Variants in PARD3 observed in about 807,000 individuals in gnomAD.
The protein encoded by PARD3 is par-3 family cell polarity regulator, also known as partitioning defective 3 homolog.
A neutral mutation model predicts 155.4 loss-of-function variants in PARD3; 75 were observed. The ratio of observed to expected loss-of-function variants is 0.48; its 90% CI spans 0.40 to 0.58. The LOEUF (loss-of-function observed/expected upper bound fraction) is 0.58, where lower values mean the gene tolerates loss of function less well. Ranked by LOEUF, PARD3 falls within the 20% of genes least tolerant of loss-of-function variation. The pLI is 0.00. For missense variants in PARD3, 1,642 were observed against 1,721.7 expected (o/e 0.95, Z 0.82); for synonymous variants, 576 against 610.5 (o/e 0.94, Z 0.83).
intron 1 of PARD3, among the ~76,000 whole-genome samples, chr10:34,807,495 T>G (rs953479961): frequency 1.3e-5 from 2 of 152,094 alleles, no homozygotes; most frequent in South Asian, 2.1e-4. Flanking sequence ...AAAGGAAACC[T>G]CATACCCATT....
intron 22 of PARD3, among the ~76,000 whole-genome samples, chr10:34,182,464 C>T (rs1295338256): frequency 6.6e-6 from 1 of 152,128 alleles, no homozygotes; most frequent in African/African-American, 2.4e-5. Context: ...ACCATTGATT[C>T]CTACCACTTA....
intron 3 of PARD3, among the ~76,000 whole-genome samples, chr10:34,506,616 C>A (rs956981885): frequency 1.3e-5 from 2 of 152,148 alleles, no homozygotes. Context: ...GTCAAGTCCA[C>A]AGATGAAATG....
intron 5 of PARD3, among the ~76,000 whole-genome samples, chr10:34,413,729 T>C (rs1200403376): frequency 1.3e-5 from 2 of 151,992 alleles, no homozygotes; most frequent in African/African-American, 4.8e-5. Context: ...ATTCTGAAAA[T>C]CACCCCTATA....
At chr10:34,506,998 C>T (rs1374977825) in intron 3 of PARD3, among the ~76,000 whole-genome samples, 2 of 152,208 alleles carry the variant, frequency 1.3e-5, no homozygotes, top group East Asian at 3.9e-4. Context: ...TTTTCACCTG[C>T]GCCTCCAGTT....
intron 22 of PARD3, among the ~76,000 whole-genome samples, chr10:34,158,972 T>C (rs1047301559): frequency 1.3e-5 from 2 of 152,202 alleles, no homozygotes; most frequent in African/African-American, 4.8e-5. Context: ...CCATCAGATA[T>C]TTCCAAGGAT....
At chr10:34,237,400 C>T (rs1330682496) in intron 22 of PARD3, among the ~76,000 whole-genome samples, 1 of 152,130 alleles carries the variant, frequency 6.6e-6, no homozygotes, top group African/African-American at 2.4e-5. Flanking sequence ...TGAATATAAA[C>T]ACAACTATTC....
chr10:34,549,966 C>T (rs1201621102), intron 2 of PARD3, among the ~76,000 whole-genome samples: 6 of 152,024 alleles, frequency 3.9e-5, no homozygotes, highest in Non-Finnish European at 8.8e-5. Context: ...ATCCAGCATA[C>T]AAATGTAAGC....
At chr10:34,210,669 C>A (rs1331088941) in intron 22 of PARD3, among the ~76,000 whole-genome samples, 1 of 152,156 alleles carries the variant, frequency 6.6e-6, no homozygotes, top group Non-Finnish European at 1.5e-5. Context: ...GTGACTCTAA[C>A]TCTGTGGTCT....
intron 23 of PARD3, among the ~76,000 whole-genome samples, chr10:34,124,628 T>C (rs1379759322): frequency 6.6e-6 from 1 of 152,206 alleles, no homozygotes; most frequent in African/African-American, 2.4e-5. Context: ...CTTGTGGGTC[T>C]TGAATGTTGA....
At chr10:34,681,490 A>G (rs972473970) in intron 2 of PARD3, among the ~76,000 whole-genome samples, 1 of 151,734 alleles carries the variant, frequency 6.6e-6, no homozygotes, top group African/African-American at 2.4e-5. Context: ...CCACCTACAT[A>G]TGGGACTTTT....
chr10:34,675,545 G>C (rs994483565), intron 2 of PARD3: 9 of 151,240 alleles, frequency 6.0e-5, no homozygotes, highest in African/African-American at 2.2e-4. Flanking sequence ...TCCCCAATAT[G>C]ATATTTCAGC....
chr10:34,573,298 G>T (rs1335920518), intron 2 of PARD3, among the ~76,000 whole-genome samples: 2 of 152,222 alleles, frequency 1.3e-5, no homozygotes, highest in Non-Finnish European at 2.9e-5. Context: ...TGAGGCTGTA[G>T]TGAACCATGA....
At chr10:34,374,835 GC>G (rs766776223) in intron 11 of PARD3, 38 bp downstream of exon 11, 1 of 1,602,252 alleles carries the variant, frequency 6.2e-7, no homozygotes, top group Admixed American at 1.7e-5. Flanking sequence ...CCTGGCTGCT[GC>G]ATATCAGAAA....
At chr10:34,678,004 C>T (rs970358856) in intron 2 of PARD3, among the ~76,000 whole-genome samples, 3 of 151,868 alleles carry the variant, frequency 2.0e-5, no homozygotes, top group Non-Finnish European at 4.4e-5. Flanking sequence ...CCTAAACTTA[C>T]AGTCATATAT....
intron 15 of PARD3, chr10:34,343,818 A>T: frequency 2.0e-6 from 2 of 976,500 alleles, no homozygotes; most frequent in Non-Finnish European, 2.4e-6. Context: ...AGTGACCTAC[A>T]AACTAAGTAA....
At chr10:34,605,184 T>A (rs1161240985) in intron 2 of PARD3, among the ~76,000 whole-genome samples, 1,355 of 63,992 alleles carry the variant, frequency 0.021, 66 homozygotes, top group African/African-American at 0.072. Context: ...AATGAAATTT[T>A]TTTTTTTTTT....
Position 34,675,389 on chromosome 10 carries a change from T to G in PARD3, c.222+20929A>C, listed in dbSNP as rs145561439. Among the ~76,000 whole-genome samples the G allele has an allele frequency of 2.1e-4, 32 of 152,342 alleles. No homozygotes were observed. The East Asian group carries it at 5.6e-3, about 27-fold the overall frequency. ...TAACCTAGGTGTCAAAGAAGATGAT[T>G]GAAGTCCATGAACCCAGTCATACAG... On this transcript the variant is annotated intron_variant, in intron 2 of 24. Transcript: ENST00000374788.
At chr10:34,649,646 A>T in intron 2 of PARD3, among the ~76,000 whole-genome samples, 1 of 152,242 alleles carries the variant, frequency 6.6e-6, no homozygotes, top group South Asian at 2.1e-4. Context: ...CAAAGGCATG[A>T]GTGTACACCA....
chr10:34,336,304 C>T (rs1360255491), intron 17 of PARD3, 61 bp from the exon 18 acceptor site: 6 of 1,240,726 alleles, frequency 4.8e-6, no homozygotes, highest in African/African-American at 4.5e-5. Flanking sequence ...ACCATGCTTC[C>T]ACCATTCCCA....
Sources: gnomAD v4.1 joint callset for allele counts (sites outside exome capture counted in the v4.1 genomes callset) on GRCh38, gnomAD v4.1.1 for gene constraint, MANE v1.5 for transcripts, NCBI Gene and HGNC (gene_info 2026-07-23, HGNC 2026-07-21) for gene names.